Variants in QTMAN observed in about 807,000 individuals in gnomAD.
The protein encoded by QTMAN is queuosine-tRNA mannosyltransferase, also known as tRNA-queuosine alpha-mannosyltransferase.
the QTMAN span, among the ~76,000 whole-genome samples, chr2:144,326,403 C>T: frequency 1.3e-5 from 2 of 151,846 alleles, no homozygotes; most frequent in Admixed American, 1.3e-4. Flanking sequence ...CTGGCTAACA[C>T]GGTGAAACCC....
the QTMAN span, chr2:143,952,001 A>G: frequency 6.3e-7 from 1 of 1,575,146 alleles, no homozygotes; most frequent in Non-Finnish European, 8.7e-7. Context: ...ATGTTTTCTT[A>G]TAATATCTGG....
the QTMAN span, among the ~76,000 whole-genome samples, chr2:144,077,596 T>A: frequency 1.3e-5 from 2 of 152,228 alleles, no homozygotes; most frequent in South Asian, 4.1e-4. Context: ...AATTGCTTTT[T>A]CAGAAATTGT....
chr2:144,045,566 G>C, the QTMAN span, among the ~76,000 whole-genome samples: 1 of 152,210 alleles, frequency 6.6e-6, no homozygotes, highest in Non-Finnish European at 1.5e-5. Context: ...TACTTGGAGA[G>C]TCATGAATGT....
At chr2:144,084,312 T>C in the QTMAN span, among the ~76,000 whole-genome samples, 2 of 152,228 alleles carry the variant, frequency 1.3e-5, no homozygotes, top group Non-Finnish European at 2.9e-5. Context: ...AAGCAAATTG[T>C]TTAACTATTT....
the QTMAN span, among the ~76,000 whole-genome samples, chr2:144,141,459 G>A: frequency 6.6e-6 from 1 of 150,898 alleles, no homozygotes. Context: ...AATAGCATGA[G>A]AAATGAACTA....
At chr2:144,084,599 G>T in the QTMAN span, among the ~76,000 whole-genome samples, 1 of 152,298 alleles carries the variant, frequency 6.6e-6, no homozygotes, top group Non-Finnish European at 1.5e-5. Context: ...CTCCTTCTCA[G>T]ATTTTACAAC....
chr2:144,049,977 A>G, the QTMAN span, among the ~76,000 whole-genome samples: 2 of 152,204 alleles, frequency 1.3e-5, no homozygotes, highest in Non-Finnish European at 2.9e-5. Context: ...GAAGAAATAA[A>G]GAGTTATAAA....
the QTMAN span, among the ~76,000 whole-genome samples, chr2:144,102,352 C>T: frequency 6.6e-6 from 1 of 152,148 alleles, no homozygotes; most frequent in Non-Finnish European, 1.5e-5. Flanking sequence ...TAAATAGATA[C>T]AGTGTATATG....
chr2:144,301,740 C>G, the QTMAN span, among the ~76,000 whole-genome samples: 2 of 152,070 alleles, frequency 1.3e-5, no homozygotes, highest in African/African-American at 2.4e-5. Flanking sequence ...GGAGGAAATG[C>G]AAGTATTAAA....
chr2:144,304,745 CATA>C, the QTMAN span, among the ~76,000 whole-genome samples: 6 of 152,206 alleles, frequency 3.9e-5, no homozygotes, highest in African/African-American at 1.2e-4. Flanking sequence ...CTAAATGTAA[CATA>C]ATAATAAATA....
the QTMAN span, among the ~76,000 whole-genome samples, chr2:144,220,863 G>A: frequency 6.6e-6 from 1 of 152,174 alleles, no homozygotes; most frequent in African/African-American, 2.4e-5. Flanking sequence ...TGATAGAATT[G>A]AAGTATCCTA....
chr2:144,061,532 T>C, the QTMAN span, among the ~76,000 whole-genome samples: 2 of 152,184 alleles, frequency 1.3e-5, no homozygotes, highest in Admixed American at 6.5e-5. Context: ...GATAATAATA[T>C]GTAACAAAAA....
At chr2:144,120,801 G>GAAAAC in the QTMAN span, among the ~76,000 whole-genome samples, 188 of 151,942 alleles carry the variant, frequency 1.2e-3, no homozygotes, top group African/African-American at 4.1e-3. Context: ...TGCCTAAACC[G>GAAAAC]AAAACAAAAC....
At chr2:144,044,479 C>A in the QTMAN span, among the ~76,000 whole-genome samples, 2 of 152,074 alleles carry the variant, frequency 1.3e-5, no homozygotes, top group Non-Finnish European at 2.9e-5. Flanking sequence ...CTATTGAAAG[C>A]TCATGAGTAA....
chr2:144,314,746 G>C, the QTMAN span, among the ~76,000 whole-genome samples: 1,744 of 152,168 alleles, frequency 0.011, 32 homozygotes, highest in African/African-American at 0.04. Context: ...GTGCGTAACG[G>C]AACTTTTAGG....
chr2:144,184,633 T>G, the QTMAN span, among the ~76,000 whole-genome samples: 3 of 152,122 alleles, frequency 2.0e-5, no homozygotes, highest in African/African-American at 7.2e-5. Context: ...GCTTCCAATT[T>G]ACTACCAATT....
At chr2:144,038,799 T>G in the QTMAN span, among the ~76,000 whole-genome samples, 1 of 152,226 alleles carries the variant, frequency 6.6e-6, no homozygotes, top group Non-Finnish European at 1.5e-5. Context: ...AATTTAAGAT[T>G]AAAATTAAGG....
the QTMAN span, among the ~76,000 whole-genome samples, chr2:144,201,399 CAG>C: frequency 2.0e-5 from 3 of 152,134 alleles, no homozygotes; most frequent in Admixed American, 6.6e-5. Context: ...AACGAGAAGA[CAG>C]GGGAGGAGAT....
At chr2:143,995,632 C>T in the QTMAN span, among the ~76,000 whole-genome samples, 1 of 152,154 alleles carries the variant, frequency 6.6e-6, no homozygotes, top group South Asian at 2.1e-4. Context: ...AGGACTTACA[C>T]AGAGACTCAG....
Sources: allele counts gnomAD v4.1 joint callset (sites outside exome capture counted in the v4.1 genomes callset), GRCh38; gene constraint gnomAD v4.1.1; transcripts MANE v1.5; gene names NCBI Gene and HGNC (gene_info 2026-07-23, HGNC 2026-07-21).